NRG3: variants seen among roughly 807,000 people sequenced by gnomAD.
NRG3 encodes the protein neuregulin 3.
In NRG3, 31 loss-of-function variants were observed where a neutral mutation model predicts 66.9. The ratio of observed to expected loss-of-function variants is 0.46; its 90% confidence interval spans 0.35 to 0.63. The LOEUF (loss-of-function observed/expected upper bound fraction) is 0.63. Ranked by LOEUF, NRG3 falls within the 20% of genes least tolerant of loss-of-function variation. The pLI is 0.00. For missense variants in NRG3, 910 were observed against 878.9 expected (o/e 1.04, Z -0.45); for synonymous variants, 393 against 359.4 (o/e 1.09, Z -1.06).
intron 2 of NRG3, among the ~76,000 whole-genome samples, chr10:82,518,451 G>A (rs1169587378): frequency 6.6e-6 from 1 of 152,108 alleles, no homozygotes; most frequent in Non-Finnish European, 1.5e-5. Flanking sequence ...ATGATAAGCA[G>A]ATCACAACAT....
chr10:82,483,196 C>CT (rs1842423568), intron 2 of NRG3, among the ~76,000 whole-genome samples: 1 of 152,174 alleles, frequency 6.6e-6, no homozygotes, highest in African/African-American at 2.4e-5. Context: ...CTGGCCTTTG[C>CT]TAGAGAACTG....
intron 3 of NRG3, among the ~76,000 whole-genome samples, chr10:82,851,324 G>A (rs546463626): frequency 3.3e-5 from 5 of 152,228 alleles, no homozygotes; most frequent in Non-Finnish European, 7.4e-5. Context: ...GAGCTTGGGG[G>A]TTGGGCAGAT....
chr10:81,971,394 C>T (rs948848827), intron 1 of NRG3, among the ~76,000 whole-genome samples: 1 of 151,998 alleles, frequency 6.6e-6, no homozygotes, highest in African/African-American at 2.4e-5. Flanking sequence ...TATTGTTTAC[C>T]ACTGATAAAG....
chr10:82,433,612 A>T (rs2089957843), intron 2 of NRG3, among the ~76,000 whole-genome samples: 1 of 152,084 alleles, frequency 6.6e-6, no homozygotes, highest in Admixed American at 6.6e-5. Context: ...ATCCATCTTC[A>T]ATTAATTTTT....
intron 1 of NRG3, among the ~76,000 whole-genome samples, chr10:82,334,136 CAAAAAAAAAAA>C (rs34320765): frequency 1.1e-5 from 1 of 89,906 alleles, no homozygotes; most frequent in African/African-American, 3.5e-5. Context: ...CATGGCGTCT[CAAAAAAAAAAA>C]AAAAAAAAGA....
At chr10:82,044,380 A>G (rs1026448322) in intron 1 of NRG3, among the ~76,000 whole-genome samples, 3 of 151,874 alleles carry the variant, frequency 2.0e-5, no homozygotes, top group African/African-American at 7.3e-5. Context: ...ACCCACACTC[A>G]CTCAGGCTGG....
intron 1 of NRG3, among the ~76,000 whole-genome samples, chr10:82,114,503 A>T (rs765100097): frequency 6.6e-6 from 1 of 152,140 alleles, no homozygotes; most frequent in Non-Finnish European, 1.5e-5. Context: ...CCTGTAAGAA[A>T]AGAGGGGTAG....
At chr10:82,072,560 T>C (rs1355839532) in intron 1 of NRG3, among the ~76,000 whole-genome samples, 1 of 152,168 alleles carries the variant, frequency 6.6e-6, no homozygotes, top group Non-Finnish European at 1.5e-5. Flanking sequence ...GTGAAATAAA[T>C]ATTTGCTCTG....
intron 2 of NRG3, among the ~76,000 whole-genome samples, chr10:82,693,738 TG>T (rs1348071931): frequency 6.6e-6 from 1 of 152,184 alleles, no homozygotes; most frequent in Non-Finnish European, 1.5e-5. Context: ...TTGTTCCTTC[TG>T]GTGGGTTCAC....
rs373196256 is a variant in NRG3, at chr10:82,664,603, C to T, written c.954-73974C>T. On this transcript the variant is annotated intron_variant, in intron 2 of 8. Transcript: ENST00000372141. ...AGCTTGGGGTTTAGTCTTAATAATG[C>T]GGACCATGGTAATTAAGTTGAGGCT... Among the ~76,000 whole-genome samples the T allele has an allele frequency of 7.2e-5, 11 of 152,138 alleles. No homozygotes were observed. The East Asian group carries it at 7.7e-4, about 11-fold the overall frequency.
At position 82,467,915 on chromosome 10, in the gene NRG3, A is replaced by G. The variant is rs578259447; in HGVS notation, c.953+109047A>G. Among the ~76,000 whole-genome samples, 6 of 147,162 alleles carry G rather than the reference A, an allele frequency of 4.1e-5. No homozygotes were observed. The South Asian group carries it at 6.4e-4, about 16-fold the overall frequency. ...CCATATTCATGTTGTGTGTGTGTGT[A>G]TGTGTGTGTGTGTGTATTTTGAAGG... On this transcript the variant is annotated intron_variant, in intron 2 of 8. Coordinates refer to ENST00000372141, the MANE Select transcript of NRG3 (RefSeq NM_001010848.4).
intron 1 of NRG3, chr10:82,232,806 G>T: frequency 1.4e-6 from 1 of 717,374 alleles, no homozygotes; most frequent in Non-Finnish European, 2.6e-6. Context: ...TCAGGAGGCA[G>T]AAACAGGAGC....
intron 3 of NRG3, among the ~76,000 whole-genome samples, chr10:82,803,648 G>T (rs776717589): frequency 6.6e-6 from 1 of 152,124 alleles, no homozygotes; most frequent in Non-Finnish European, 1.5e-5. Context: ...ATAAAAGGGT[G>T]GTGATTGAGT....
intron 1 of NRG3, among the ~76,000 whole-genome samples, chr10:81,885,881 T>C (rs1842571480): frequency 6.6e-6 from 1 of 152,074 alleles, no homozygotes; most frequent in Non-Finnish European, 1.5e-5. Flanking sequence ...GGTGGAAAAA[T>C]CTAGAGACAC....
intron 1 of NRG3, among the ~76,000 whole-genome samples, chr10:81,892,104 G>A (rs1843061847): frequency 6.6e-6 from 1 of 152,114 alleles, no homozygotes; most frequent in Non-Finnish European, 1.5e-5. Flanking sequence ...AAGTCCTAAA[G>A]TCAGATGAAC....
At position 82,985,203 on chromosome 10, in the gene NRG3, G is replaced by C; in HGVS notation, c.1689G>C (p.Leu563=). Residue 563 remains leucine, a synonymous_variant, in exon 9 of 9, where the codon CTG becomes CTC. Transcript: ENST00000372141. ...PYFNSLEQKD[L]VGYSSTRASS... The stretch of plus-strand genomic sequence containing the variant: ...TTAATAGCTTGGAGCAAAAGGACCT[G>C]GTGGGCTATTCATCCACAAGGGCCA... The C allele has an allele frequency of 6.2e-7, 1 of 1,614,104 alleles. No homozygotes were observed. The highest frequency in any genetic ancestry group is 8.5e-7 in the Non-Finnish European group (1 of 1,179,990).
At chr10:82,348,238 C>G (rs916992937) in intron 1 of NRG3, among the ~76,000 whole-genome samples, 1 of 152,212 alleles carries the variant, frequency 6.6e-6, no homozygotes, top group Non-Finnish European at 1.5e-5. Context: ...GCGCTTCCTT[C>G]AACAGCTCTT....
chr10:82,335,282 C>A (rs2135323937), intron 1 of NRG3, among the ~76,000 whole-genome samples: 1 of 152,246 alleles, frequency 6.6e-6, no homozygotes, highest in African/African-American at 2.4e-5. Context: ...AATGATGGCT[C>A]AGCAGGATAT....
chr10:82,760,965 A>G (rs2059281124), intron 3 of NRG3, among the ~76,000 whole-genome samples: 2 of 152,012 alleles, frequency 1.3e-5, no homozygotes, highest in African/African-American at 2.4e-5. Context: ...GTAGACTCTC[A>G]GGAGACTAGG....
Sources: allele counts gnomAD v4.1 joint callset (sites outside exome capture counted in the v4.1 genomes callset), GRCh38; gene constraint gnomAD v4.1.1; transcripts MANE v1.5; gene names NCBI Gene and HGNC (gene_info 2026-07-23, HGNC 2026-07-21).